The following PTPRJ variants were observed in gnomAD, a reference collection of about 807,000 sequenced individuals.
PTPRJ encodes protein tyrosine phosphatase receptor type J.
In PTPRJ, 129 loss-of-function variants were observed where a neutral mutation model predicts 141.3. The ratio of observed to expected loss-of-function variants is 0.91; its 90% CI spans 0.79 to 1.06. The LOEUF is 1.06. Among genes scored for constraint, PTPRJ ranks in the 50% least tolerant of loss-of-function variants. The pLI, the probability that PTPRJ is intolerant of heterozygous loss-of-function variation, is 0.00. For missense variants in PTPRJ, 1,601 were observed against 1,679.7 expected, an observed-to-expected ratio of 0.95 and a Z score of 0.82; for synonymous variants, 610 against 640.5, an observed-to-expected ratio of 0.95 and a Z score of 0.72.
intron 2 of PTPRJ, among the ~76,000 whole-genome samples, 157 bp downstream of exon 2, chr11:48,110,233 G>A (rs867362226): frequency 6.6e-6 from 1 of 151,882 alleles, no homozygotes; most frequent in Non-Finnish European, 1.5e-5. Flanking sequence ...TTGAGTTGGA[G>A]CCTCGCTCTG....
chr11:48,112,919 A>G lies in PTPRJ; in HGVS notation c.288A>G (p.Leu96=). 1 of 1,614,226 alleles carries G rather than the reference A, an allele frequency of 6.2e-7. No homozygotes were observed. Among genetic ancestry groups the G allele is most frequent in the Non-Finnish European group, 8.5e-7 (1 of 1,180,036 alleles). Residue 96 remains leucine, a synonymous_variant, in exon 3 of 25, where the codon TTA becomes TTG. Coordinates refer to ENST00000418331, the MANE Select transcript of PTPRJ (RefSeq NM_002843.4). ...DGESSGANDS[L]RTPEQGSNGT... ...AAAGCTCTGGAGCCAACGATAGTTT[A>G]AGAACACCTGAACAAGGATCTAATG...
At chr11:48,085,754 C>T (rs937259934) in intron 1 of PTPRJ, among the ~76,000 whole-genome samples, 3 of 152,148 alleles carry the variant, frequency 2.0e-5, no homozygotes, top group Admixed American at 1.3e-4. Flanking sequence ...CAAGACAGAG[C>T]CCTGTGGACT....
intron 11 of PTPRJ, among the ~76,000 whole-genome samples, chr11:48,141,967 A>G (rs1383997658): frequency 6.7e-6 from 1 of 149,448 alleles, no homozygotes; most frequent in Non-Finnish European, 1.5e-5. Context: ...CAAATTTTAC[A>G]GTGTACAGCT....
chr11:48,119,142 C>A (rs1441162553), intron 3 of PTPRJ, among the ~76,000 whole-genome samples: 1 of 151,890 alleles, frequency 6.6e-6, no homozygotes, highest in Non-Finnish European at 1.5e-5. Flanking sequence ...AAAAGGAGTG[C>A]TGCTGTTCTT....
At chr11:48,003,950 G>A (rs1456195318) in intron 1 of PTPRJ, among the ~76,000 whole-genome samples, 8 of 152,110 alleles carry the variant, frequency 5.3e-5, no homozygotes. Flanking sequence ...AATGCTCAGG[G>A]AAAATGTCAA....
intron 3 of PTPRJ, among the ~76,000 whole-genome samples, chr11:48,117,416 C>T (rs1856594545): frequency 6.6e-6 from 1 of 151,556 alleles, no homozygotes; most frequent in African/African-American, 2.4e-5. Flanking sequence ...TGACACACAC[C>T]TGTAATCCCA....
chr11:48,009,200 C>T (rs1191725192), intron 1 of PTPRJ, among the ~76,000 whole-genome samples: 1 of 152,168 alleles, frequency 6.6e-6, no homozygotes, highest in African/African-American at 2.4e-5. Context: ...GACTACTATG[C>T]AGTCATTACC....
chr11:48,000,634 C>T (rs1854471577), intron 1 of PTPRJ, among the ~76,000 whole-genome samples: 1 of 152,052 alleles, frequency 6.6e-6, no homozygotes, highest in Non-Finnish European at 1.5e-5. Context: ...TCACAGACTA[C>T]AGTCACCTGG....
At chr11:48,085,507 G>A (rs1855678922) in intron 1 of PTPRJ, among the ~76,000 whole-genome samples, 1 of 151,918 alleles carries the variant, frequency 6.6e-6, no homozygotes, top group African/African-American at 2.4e-5. Context: ...ACCACACTTG[G>A]CTAATTTTTG....
At chr11:48,101,681 G>A (rs1856152851) in intron 1 of PTPRJ, among the ~76,000 whole-genome samples, 1 of 152,170 alleles carries the variant, frequency 6.6e-6, no homozygotes, top group Admixed American at 6.5e-5. Context: ...AGGATTCCGT[G>A]GGGAGCTAGC....
In PTPRJ at chr11:48,121,242, C is replaced by A. The variant is rs1339816979; in HGVS notation, c.592C>A (p.Pro198Thr). 1 of 1,614,078 alleles carries A rather than the reference C, an allele frequency of 6.2e-7. No individual in the cohort carries two copies. The highest frequency in any genetic ancestry group is 8.5e-7 in the Non-Finnish European group (1 of 1,179,962). ...AATAGGCAATGAGACTTGGGGAGAT[C>A]CCAGAGTCATAAAAGTCATCACAGG... ...PGIGNETWGD[P>T]RVIKVITEPI... is the part of the protein sequence containing the mutation. The change falls in exon 4 of 25, where the codon CCC becomes ACC. Residue 198 changes from proline (P) to threonine (T), a missense_variant. By Grantham distance (38) the Pro-to-Thr change is conservative. Coordinates refer to ENST00000418331, the MANE Select transcript of PTPRJ (RefSeq NM_002843.4).
chr11:48,085,010 C>CAG (rs1855660944), intron 1 of PTPRJ, among the ~76,000 whole-genome samples: 2 of 152,144 alleles, frequency 1.3e-5, no homozygotes, highest in South Asian at 4.1e-4. Context: ...TTCCACGATG[C>CAG]AGAGAAGTTT....
At chr11:48,107,371 G>A (rs1303736288) in intron 1 of PTPRJ, among the ~76,000 whole-genome samples, 2 of 152,162 alleles carry the variant, frequency 1.3e-5, no homozygotes, top group South Asian at 2.1e-4. Flanking sequence ...GCTCACCGGC[G>A]AGGGGTTTCC....
chr11:48,013,684 A>G (rs779654137), intron 1 of PTPRJ, among the ~76,000 whole-genome samples: 1 of 152,012 alleles, frequency 6.6e-6, no homozygotes, highest in African/African-American at 2.4e-5. Flanking sequence ...CTGTGTGGGT[A>G]AGTAAGCAGT....
chr11:48,110,736 A>C (rs866176807), intron 2 of PTPRJ, among the ~76,000 whole-genome samples: 1 of 152,124 alleles, frequency 6.6e-6, no homozygotes, highest in Non-Finnish European at 1.5e-5. Flanking sequence ...ACATTGCTAC[A>C]TTTAAAGAAT....
chr11:48,009,946 TGTTGA>T (rs561667784), intron 1 of PTPRJ, among the ~76,000 whole-genome samples: 148 of 152,372 alleles, frequency 9.7e-4, no homozygotes, highest in African/African-American at 3.3e-3. Context: ...TGTTGGATAC[TGTTGA>T]GTTATTTGGG....
At chr11:48,016,663 C>T (rs1448436011) in intron 1 of PTPRJ, among the ~76,000 whole-genome samples, 3 of 152,156 alleles carry the variant, frequency 2.0e-5, no homozygotes, top group African/African-American at 4.8e-5. Flanking sequence ...GCCAGCCTCA[C>T]AGGATGGTCA....
intron 1 of PTPRJ, among the ~76,000 whole-genome samples, chr11:48,026,312 A>G (rs953847528): frequency 6.6e-6 from 1 of 152,132 alleles, no homozygotes; most frequent in African/African-American, 2.4e-5. Flanking sequence ...AGCCTGGGAA[A>G]GGGGCAGTTG....
At chr11:48,147,898 G>A (rs1857388721) in intron 15 of PTPRJ, among the ~76,000 whole-genome samples, 1 of 151,984 alleles carries the variant, frequency 6.6e-6, no homozygotes, top group African/African-American at 2.4e-5. Flanking sequence ...CCAGGCTGGA[G>A]TACAGTGGCA....
Sources: allele counts gnomAD v4.1 joint callset (sites outside exome capture counted in the v4.1 genomes callset), GRCh38; gene constraint gnomAD v4.1.1; transcripts MANE v1.5; gene names NCBI Gene and HGNC (gene_info 2026-07-23, HGNC 2026-07-21).